Variants in RARB observed in about 807,000 individuals in gnomAD.
RARB encodes HBV-activated protein.
In RARB, 17 loss-of-function variants were observed where a neutral mutation model predicts 51.9. The ratio of observed to expected loss-of-function variants is 0.33; its 90% CI spans 0.22 to 0.49. The LOEUF (loss-of-function observed/expected upper bound fraction) is 0.49, where lower values mean the gene tolerates loss of function less well. RARB is among the 20% of genes least tolerant of loss of function. RARB has a pLI of 0.99. For synonymous variants in RARB, 215 were observed against 195.4 expected (o/e 1.10, Z -0.84); for missense variants, 369 against 550.8 (o/e 0.67, Z 3.30).
At position 25,380,302 on chromosome 3, in the gene RARB, G is replaced by A. The variant is rs1228346213; in HGVS notation, c.179-80891G>A. ...CATCGTCCATCCTCTTTCCCACTCC[G>A]TACCCGTTGGGTGAACCCAGCTCTT... On this transcript the variant is annotated intron_variant, in intron 5 of 11. Transcript: ENST00000383772. 3.9e-5 allele frequency among the ~76,000 whole-genome samples: 6 copies of A among 152,056 alleles called. No individual in the cohort carries two copies. The East Asian group carries it at 5.8e-4, about 15-fold the overall frequency.
At chr3:24,861,104 C>T (rs1011002449) in intron 2 of RARB, among the ~76,000 whole-genome samples, 21 of 152,194 alleles carry the variant, frequency 1.4e-4, no homozygotes, top group African/African-American at 4.8e-4. Context: ...TCAGCCACCA[C>T]CAATGGAAAA....
intron 2 of RARB, among the ~76,000 whole-genome samples, chr3:25,498,312 A>G (rs1174985206): frequency 1.3e-5 from 2 of 152,176 alleles, no homozygotes; most frequent in African/African-American, 4.8e-5. Context: ...GTGGTCTACA[A>G]GGGAGTGAGG....
At chr3:25,433,747 T>C (rs1708304757) in intron 1 of RARB, among the ~76,000 whole-genome samples, 1 of 152,140 alleles carries the variant, frequency 6.6e-6, no homozygotes, top group South Asian at 2.1e-4. Context: ...TAACACAACC[T>C]CATCAGTCAA....
At chr3:25,329,615 G>A (rs1346083277) in intron 5 of RARB, among the ~76,000 whole-genome samples, 1 of 152,182 alleles carries the variant, frequency 6.6e-6, no homozygotes, top group Non-Finnish European at 1.5e-5. Context: ...TCCTCCAAAG[G>A]AATGCAGCTG....
chr3:24,961,991 G>A (rs189357970), intron 2 of RARB, among the ~76,000 whole-genome samples: 12 of 117,452 alleles, frequency 1.0e-4, no homozygotes, highest in Non-Finnish European at 1.9e-4. Flanking sequence ...GTGCAATGGC[G>A]CTATCATGGC....
intron 5 of RARB, among the ~76,000 whole-genome samples, chr3:25,277,533 G>A (rs978129745): frequency 6.6e-6 from 1 of 152,152 alleles, no homozygotes; most frequent in African/African-American, 2.4e-5. Flanking sequence ...ACTCTCATGG[G>A]CCTAGAGTAA....
intron 3 of RARB, among the ~76,000 whole-genome samples, chr3:25,539,577 A>C (rs370242539): frequency 2.6e-3 from 83 of 32,300 alleles, no homozygotes; most frequent in Admixed American, 0.014. Flanking sequence ...TTTCCCCTTT[A>C]TTTCTTTTTT....
chr3:24,852,338 A>G (rs779711908), intron 1 of RARB, among the ~76,000 whole-genome samples: 7 of 152,174 alleles, frequency 4.6e-5, no homozygotes, highest in Non-Finnish European at 8.8e-5. Context: ...TCCACACCGA[A>G]CCCACCTAAC....
At chr3:25,024,036 A>G (rs1326353433) in intron 2 of RARB, among the ~76,000 whole-genome samples, 1 of 152,122 alleles carries the variant, frequency 6.6e-6, no homozygotes, top group Non-Finnish European at 1.5e-5. Context: ...GGCTTAGATA[A>G]TCCCTAGGGA....
chr3:25,585,152 G>A (rs1297366807), intron 5 of RARB, among the ~76,000 whole-genome samples: 5 of 152,140 alleles, frequency 3.3e-5, no homozygotes, highest in Middle Eastern at 3.2e-3. Context: ...AATGAAGATG[G>A]CAATAGAAGC....
intron 5 of RARB, among the ~76,000 whole-genome samples, chr3:25,416,744 C>T (rs1160878024): frequency 1.3e-5 from 2 of 152,192 alleles, no homozygotes; most frequent in East Asian, 3.8e-4. Context: ...TTGGAGTCTG[C>T]CAACCCCTGG....
At chr3:25,534,283 G>A (rs774344774) in intron 3 of RARB, among the ~76,000 whole-genome samples, 12 of 152,208 alleles carry the variant, frequency 7.9e-5, no homozygotes, top group Admixed American at 5.9e-4. Context: ...CTTAACAGTA[G>A]AGAAGTTTGG....
At chr3:24,849,470 A>G (rs1420345982) in intron 1 of RARB, among the ~76,000 whole-genome samples, 1 of 152,234 alleles carries the variant, frequency 6.6e-6, no homozygotes, top group Non-Finnish European at 1.5e-5. Flanking sequence ...GCCTTAGCAA[A>G]TATAGGGTTA....
chr3:25,091,321 C>A (rs1699195765), intron 3 of RARB, among the ~76,000 whole-genome samples: 1 of 152,114 alleles, frequency 6.6e-6, no homozygotes, highest in South Asian at 2.1e-4. Context: ...CTGAACCCAG[C>A]CTGTCAGTGG....
chr3:25,408,271 A>G (rs1220225136), intron 5 of RARB, among the ~76,000 whole-genome samples: 1 of 152,156 alleles, frequency 6.6e-6, no homozygotes, highest in African/African-American at 2.4e-5. Context: ...GGTAATTTAT[A>G]CAGAAAAGAG....
At chr3:24,889,943 CT>C (rs1349504682) in intron 2 of RARB, among the ~76,000 whole-genome samples, 2 of 150,536 alleles carry the variant, frequency 1.3e-5, no homozygotes, top group African/African-American at 4.9e-5. Flanking sequence ...TCAAAAGTTT[CT>C]TGGATAGCCC....
At chr3:25,247,122 G>C (rs550457519) in intron 5 of RARB, among the ~76,000 whole-genome samples, 1 of 152,328 alleles carries the variant, frequency 6.6e-6, no homozygotes, top group South Asian at 2.1e-4. Context: ...TTTACACTGC[G>C]AGGGGAAAAT....
At chr3:24,975,554 T>A (rs1337029545) in intron 2 of RARB, among the ~76,000 whole-genome samples, 1 of 152,178 alleles carries the variant, frequency 6.6e-6, no homozygotes, top group Non-Finnish European at 1.5e-5. Context: ...TTCTATAATT[T>A]GCTCTAACAT....
At chr3:25,285,370 AAG>A (rs1179929795) in intron 5 of RARB, among the ~76,000 whole-genome samples, 1 of 152,150 alleles carries the variant, frequency 6.6e-6, no homozygotes, top group Admixed American at 6.6e-5. Flanking sequence ...ATGCTCTAGG[AAG>A]AGAGGAGAGA....
Sources: gnomAD v4.1 joint callset for allele counts (sites outside exome capture counted in the v4.1 genomes callset) on GRCh38, gnomAD v4.1.1 for gene constraint, MANE v1.5 for transcripts, NCBI Gene and HGNC (gene_info 2026-07-23, HGNC 2026-07-21) for gene names.